Variants in TMEM178B observed in about 807,000 individuals in gnomAD.
The protein encoded by TMEM178B is transmembrane protein 178B.
Under a neutral mutation model 31.0 loss-of-function variants are expected in TMEM178B, and 5 were observed. The observed-to-expected ratio is 0.16, with a 90% CI of 0.08 to 0.34. The LOEUF (loss-of-function observed/expected upper bound fraction) is 0.34. Among genes scored for constraint, TMEM178B ranks in the 10% least tolerant of loss-of-function variants. The pLI is 1.00. For synonymous variants in TMEM178B, 164 were observed against 164.0 expected, an observed-to-expected ratio of 1.00 and a Z score of 0.00; for missense variants, 275 against 400.3, an observed-to-expected ratio of 0.69 and a Z score of 2.67.
intron 2 of TMEM178B, among the ~76,000 whole-genome samples, chr7:141,416,601 C>G (rs924854523): frequency 6.6e-6 from 1 of 152,184 alleles, no homozygotes; most frequent in Non-Finnish European, 1.5e-5. Context: ...TCAAACACAC[C>G]GTTTCCTTTG....
In TMEM178B at chr7:141,344,574, C is replaced by CCCTTCCTTCCTCCCTTCCTT. The variant is rs1799576710; in HGVS notation, c.497-93023_497-93022insCCCTTCCTTCCTTCCTTCCT. Among the ~76,000 whole-genome samples the CCCTTCCTTCCTCCCTTCCTT allele has an allele frequency of 1.5e-5, 2 of 137,236 alleles. No individual in the cohort carries two copies. Among genetic ancestry groups the CCCTTCCTTCCTCCCTTCCTT allele is most frequent in the Admixed American group, 7.3e-5 (1 of 13,636 alleles). The allele number at this position is 137,236 out of a possible 152,430, so 90.0% of individuals were successfully genotyped here. On this transcript the variant is annotated intron_variant, in intron 2 of 3. Transcript: ENST00000565468. This position sits in a 1 kb window ranked among gnomAD's most constrained non-coding sequence, Gnocchi z 4.1. ...CTCCCTCCCTCCATTCCTCCCTCCT[C>CCCTTCCTTCCTCCCTTCCTT]CCTTCCTTCCTTCCTTCCTTCCTTC...
chr7:141,304,649 C>T (rs1798786635), intron 2 of TMEM178B, among the ~76,000 whole-genome samples: 1 of 152,316 alleles, frequency 6.6e-6, no homozygotes, highest in Middle Eastern at 3.4e-3. Flanking sequence ...CTCCCTGTTG[C>T]ACAGTTGCCC....
intron 1 of TMEM178B, among the ~76,000 whole-genome samples, chr7:141,141,388 C>G (rs1795765653): frequency 6.6e-6 from 1 of 152,162 alleles, no homozygotes; most frequent in Admixed American, 6.5e-5. Context: ...CCAAGGAGCC[C>G]TGGCTCCTTT....
intron 2 of TMEM178B, among the ~76,000 whole-genome samples, chr7:141,213,690 G>T (rs1391873647): frequency 2.0e-5 from 3 of 152,104 alleles, no homozygotes; most frequent in Non-Finnish European, 2.9e-5. Flanking sequence ...CTTTTTCGTC[G>T]ATTAGGCCCA....
intron 2 of TMEM178B, among the ~76,000 whole-genome samples, chr7:141,321,911 G>T (rs1213650531): frequency 6.6e-6 from 1 of 151,908 alleles, no homozygotes; most frequent in Non-Finnish European, 1.5e-5. Flanking sequence ...TATTCAAACA[G>T]ATATAGAAGC....
chr7:141,109,854 T>C (rs1450200229), intron 1 of TMEM178B, among the ~76,000 whole-genome samples: 1 of 151,956 alleles, frequency 6.6e-6, no homozygotes, highest in Non-Finnish European at 1.5e-5. Flanking sequence ...GGCAGGAGGA[T>C]TGTTTGAGTC....
At chr7:141,120,828 C>T (rs181651475) in intron 1 of TMEM178B, among the ~76,000 whole-genome samples, 3 of 151,772 alleles carry the variant, frequency 2.0e-5, no homozygotes, top group East Asian at 3.9e-4. Context: ...TATGGTGGCA[C>T]GTACCTGTAG....
intron 2 of TMEM178B, among the ~76,000 whole-genome samples, chr7:141,226,161 C>T (rs1797338545): frequency 6.6e-6 from 1 of 152,178 alleles, no homozygotes; most frequent in African/African-American, 2.4e-5. Flanking sequence ...GCCAAGGAAA[C>T]TAGAAAAAGC....
chr7:141,088,878 C>G (rs1794832548), intron 1 of TMEM178B, among the ~76,000 whole-genome samples: 1 of 152,182 alleles, frequency 6.6e-6, no homozygotes, highest in Non-Finnish European at 1.5e-5. Flanking sequence ...TAAAACAATT[C>G]ACATCATTGT....
At chr7:141,368,935 G>C (rs1476373935) in intron 2 of TMEM178B, among the ~76,000 whole-genome samples, 2 of 152,212 alleles carry the variant, frequency 1.3e-5, no homozygotes. Flanking sequence ...GGAAGGGGTT[G>C]TTAGTGAGTG....
At chr7:141,408,135 A>G (rs993292401) in intron 2 of TMEM178B, among the ~76,000 whole-genome samples, 2 of 151,810 alleles carry the variant, frequency 1.3e-5, no homozygotes, top group Non-Finnish European at 2.9e-5. Context: ...CAGTGATTTC[A>G]TTTGTTCCGA....
At chr7:141,126,487 A>G (rs746489556) in intron 1 of TMEM178B, among the ~76,000 whole-genome samples, 4 of 152,250 alleles carry the variant, frequency 2.6e-5, no homozygotes, top group Non-Finnish European at 5.9e-5. Context: ...TAAAATGGGT[A>G]GAAGTGGAGA....
chr7:141,311,346 CTT>C (rs1184575406), intron 2 of TMEM178B, among the ~76,000 whole-genome samples: 3 of 152,128 alleles, frequency 2.0e-5, no homozygotes, highest in Non-Finnish European at 4.4e-5. Context: ...AAAATGGCCT[CTT>C]GTTTTAATTT....
chr7:141,393,838 A>G (rs1304467423), intron 2 of TMEM178B, among the ~76,000 whole-genome samples: 1 of 152,108 alleles, frequency 6.6e-6, no homozygotes, highest in African/African-American at 2.4e-5. Flanking sequence ...AGGTTACAAC[A>G]CTCCATTGTG....
intron 1 of TMEM178B, among the ~76,000 whole-genome samples, chr7:141,141,421 CTG>C (rs1003280203): frequency 1.3e-5 from 2 of 152,174 alleles, no homozygotes; most frequent in African/African-American, 2.4e-5. Context: ...GCTTTAGAAA[CTG>C]AGATCTGGGT....
the TMEM178B span, among the ~76,000 whole-genome samples, chr7:141,495,293 TCTGACAGATG>T: frequency 1.3e-5 from 2 of 152,168 alleles, no homozygotes; most frequent in African/African-American, 4.8e-5. Context: ...ATGCCCAGAT[TCTGACAGATG>T]TCCCCTCTGA....
intron 2 of TMEM178B, among the ~76,000 whole-genome samples, chr7:141,299,544 C>T (rs1798689288): frequency 6.6e-6 from 1 of 152,140 alleles, no homozygotes; most frequent in African/African-American, 2.4e-5. Flanking sequence ...GCCAGGCCTG[C>T]CTCCTTCCTA....
At chr7:141,351,227 G>T (rs1377346827) in intron 2 of TMEM178B, among the ~76,000 whole-genome samples, 1 of 152,216 alleles carries the variant, frequency 6.6e-6, no homozygotes, top group Non-Finnish European at 1.5e-5. Context: ...GTGACATAAA[G>T]TAACAATTAT....
chr7:141,172,203 A>C (rs974551205), intron 1 of TMEM178B, among the ~76,000 whole-genome samples: 1 of 152,162 alleles, frequency 6.6e-6, no homozygotes, highest in Non-Finnish European at 1.5e-5. Flanking sequence ...ATTTCGCTTC[A>C]TCTCATTCAT....
Sources: allele counts gnomAD v4.1 joint callset (sites outside exome capture counted in the v4.1 genomes callset), GRCh38; gene constraint gnomAD v4.1.1; non-coding constraint Gnocchi (gnomAD v3.1); transcripts MANE v1.5; gene names NCBI Gene and HGNC (gene_info 2026-07-23, HGNC 2026-07-21).